ARHGAP39: variants seen among roughly 807,000 people sequenced by gnomAD.
ARHGAP39 encodes the protein Rho GTPase activating protein 39, also known as rho GTPase-activating protein 39.
Under a neutral mutation model 106.9 loss-of-function variants are expected in ARHGAP39, and 44 were observed. The ratio of observed to expected loss-of-function variants is 0.41; its 90% CI spans 0.32 to 0.53. The LOEUF (loss-of-function observed/expected upper bound fraction) is 0.53, where lower values mean the gene tolerates loss of function less well. ARHGAP39 is among the 20% of genes least tolerant of loss of function. The pLI is 0.21. For missense variants in ARHGAP39, 1,496 were observed against 1,577.3 expected (o/e 0.95, Z 0.87); for synonymous variants, 768 against 693.2 (o/e 1.11, Z -1.69).
At chr8:144,660,227 T>TATTC in intron 1 of ARHGAP39, among the ~76,000 whole-genome samples, 1 of 152,296 alleles carries the variant, frequency 6.6e-6, no homozygotes, top group African/African-American at 2.4e-5. Flanking sequence ...CTGCAGCACC[T>TATTC]ATTCCCACAA....
rs1254676133 is a variant in ARHGAP39 at position 144,671,609 on chromosome 8, C to G, written c.-82+14077G>C. Among the ~76,000 whole-genome samples, 1 of 152,234 alleles carries G rather than the reference C, an allele frequency of 6.6e-6. No homozygotes were observed. The highest frequency in any genetic ancestry group is 2.4e-5 in the African/African-American group (1 of 41,464). On this transcript the variant is annotated intron_variant, in intron 1 of 11. Coordinates refer to ENST00000377307, the MANE Select transcript of ARHGAP39 (RefSeq NM_025251.3). This position sits in a 1 kb window ranked among gnomAD's most constrained non-coding sequence, Gnocchi z 4.5. ...CCTCCCGCCTGAGGCTCTTTCTGTG[C>G]CTGGTGAATAGCCCAAGGCTCAGCT... is the stretch of plus-strand genomic sequence containing the variant.
intron 3 of ARHGAP39, among the ~76,000 whole-genome samples, chr8:144,570,905 A>G (rs1156302735): frequency 6.6e-6 from 1 of 152,244 alleles, no homozygotes; most frequent in Non-Finnish European, 1.5e-5. Context: ...ATTCCTGGAC[A>G]CATACACCCT....
chr8:144,685,616 G>C (rs1268938342), intron 1 of ARHGAP39, among the ~76,000 whole-genome samples, 70 bp downstream of exon 1: 3 of 148,844 alleles, frequency 2.0e-5, no homozygotes, highest in Non-Finnish European at 4.5e-5. Flanking sequence ...GGACCACGGG[G>C]ACCGCAGCGC....
In ARHGAP39 at chr8:144,671,832, G is replaced by T. The variant is rs1822108876; in HGVS notation, c.-82+13854C>A. ...CTGGTCTGTCTCCTCCCTGTCGGGG[G>T]TATCTGACTGGCAAGTGGCTGGCAC... On this transcript the variant is annotated intron_variant, in intron 1 of 11. Transcript: ENST00000377307. This position sits in a 1 kb window ranked among gnomAD's most constrained non-coding sequence, Gnocchi z 4.5. Among the ~76,000 whole-genome samples the T allele has an allele frequency of 6.6e-6, 1 of 152,232 alleles. No homozygotes were observed. Among genetic ancestry groups the T allele is most frequent in the South Asian group, 2.1e-4 (1 of 4,830 alleles).
chr8:144,606,581 CTGTT>C (rs1301629272), intron 1 of ARHGAP39, among the ~76,000 whole-genome samples: 3 of 152,146 alleles, frequency 2.0e-5, no homozygotes, highest in African/African-American at 4.8e-5. Flanking sequence ...CAACAGCAGG[CTGTT>C]TGTAGTTAAG....
intron 1 of ARHGAP39, among the ~76,000 whole-genome samples, chr8:144,623,375 G>A (rs776712002): frequency 6.6e-6 from 1 of 152,186 alleles, no homozygotes; most frequent in Non-Finnish European, 1.5e-5. Context: ...GTCTAGTTAA[G>A]ACAAAGACTG....
intron 1 of ARHGAP39, among the ~76,000 whole-genome samples, chr8:144,630,301 A>T (rs553435265): frequency 6.6e-6 from 1 of 152,212 alleles, no homozygotes; most frequent in South Asian, 2.1e-4. Flanking sequence ...TTTTGAAACC[A>T]TGCCTGTCTG....
Position 144,644,414 on chromosome 8 carries a change from C to T in ARHGAP39, c.-81-38719G>A, listed in dbSNP as rs975495497. Among the ~76,000 whole-genome samples the T allele has an allele frequency of 6.6e-6, 1 of 152,130 alleles. No homozygotes were observed. The highest frequency in any genetic ancestry group is 1.5e-5 in the Non-Finnish European group (1 of 68,028). On this transcript the variant is annotated intron_variant, in intron 1 of 11. Transcript: ENST00000377307. This position sits in a 1 kb window ranked among gnomAD's most constrained non-coding sequence, Gnocchi z 4.8. ...GAGGCGGCTATGAGGCGGGGCTGGG[C>T]ACAAAGCAGCAGCATCTTCTAGGTG...
chr8:144,545,549 T>C lies in ARHGAP39; in HGVS notation c.2221A>G (p.Lys741Glu), dbSNP rs1817377463. The C allele has an allele frequency of 1.2e-6, 2 of 1,613,670 alleles. No homozygotes were observed. Among genetic ancestry groups the C allele is most frequent in the Non-Finnish European group, 1.7e-6 (2 of 1,179,974 alleles). ...AGCTTGAAGAGCTCGCAGGCCTCCT[T>C]CTTCACGTGCCGGTCGCTTGTCACG... ...MIVTSDRHVK[K>E]EACELFKLIQ... Residue 741 changes from lysine to glutamate, a missense_variant, in exon 6 of 12, where the codon AAG becomes GAG. Lys to Glu is a moderately conservative substitution (Grantham distance 56, BLOSUM62 1). Around this residue, in one of 4 missense-constraint regions of ARHGAP39, gnomAD observed 470 missense variants for 605.1 expected, o/e 0.78. Transcript: ENST00000377307.
rs867665992 is a variant in ARHGAP39 at position 144,533,204 on chromosome 8, C to T, written c.2810G>A (p.Arg937His). ...CCGTGTCTGCACCCAGGGCAGCTGG[C>T]GCTCGGGGTAGCGCTCTCTCTGCAT... is the stretch of plus-strand genomic sequence containing the variant. ...MGMQRERYPERQLPWVQTRLS... is the reference protein window; with the variant it reads ...MGMQRERYPEHQLPWVQTRLS... The change falls in exon 9 of 12, where the codon CGC (arginine) becomes CAC (histidine). Residue 937 changes from arginine to histidine, a missense_variant. Arg to His is a conservative substitution (Grantham distance 29). This residue lies in a region of ARHGAP39 where 470 missense variants were observed against 605.1 expected (regional missense o/e 0.78). Transcript: ENST00000377307. The T allele has an allele frequency of 1.5e-5, 24 of 1,612,618 alleles. No homozygotes were observed. The highest frequency in any genetic ancestry group is 3.3e-4 in the Middle Eastern group (2 of 6,056).
intron 4 of ARHGAP39, among the ~76,000 whole-genome samples, chr8:144,552,800 T>C (rs1164642932): frequency 1.4e-5 from 2 of 145,396 alleles, no homozygotes; most frequent in African/African-American, 2.5e-5. Flanking sequence ...TTATAATTTC[T>C]TTTTTTTTTT....
At chr8:144,561,397 G>GTCCATCACACTCCAGTGGTT (rs1352947339) in intron 3 of ARHGAP39, among the ~76,000 whole-genome samples, 6 of 129,036 alleles carry the variant, frequency 4.6e-5, no homozygotes, top group Non-Finnish European at 8.2e-5. Flanking sequence ...CCCCAGTGGT[G>GTCCATCACACTCCAGTGGTT]TCCATCACAC....
At chr8:144,552,010 T>A (rs765120087) in intron 4 of ARHGAP39, among the ~76,000 whole-genome samples, 4 of 152,198 alleles carry the variant, frequency 2.6e-5, no homozygotes, top group Non-Finnish European at 4.4e-5. Context: ...CACACCTCTC[T>A]GTAGGGCAGG....
chr8:144,546,076 G>A (rs1817407766), intron 5 of ARHGAP39, among the ~76,000 whole-genome samples: 2 of 152,218 alleles, frequency 1.3e-5, no homozygotes, highest in Admixed American at 6.5e-5. Context: ...TGACCTGGCT[G>A]AGGGTGAGGC....
intron 1 of ARHGAP39, among the ~76,000 whole-genome samples, chr8:144,682,548 C>CAA (rs1041779842): frequency 1.7e-4 from 12 of 70,072 alleles, no homozygotes; most frequent in Non-Finnish European, 2.4e-4. Context: ...GACTCTGTCT[C>CAA]AAAAAAAAAA....
At chr8:144,619,693 A>T (rs995770176) in intron 1 of ARHGAP39, among the ~76,000 whole-genome samples, 1 of 141,322 alleles carries the variant, frequency 7.1e-6, no homozygotes, top group African/African-American at 2.7e-5. Context: ...TGTGTGCATG[A>T]GAGCTTGTGT....
At chr8:144,630,412 G>A (rs1033843920) in intron 1 of ARHGAP39, among the ~76,000 whole-genome samples, 1 of 151,982 alleles carries the variant, frequency 6.6e-6, no homozygotes, top group Admixed American at 6.6e-5. Flanking sequence ...CCAGCCCTAC[G>A]GTGGCTAAGA....
intron 6 of ARHGAP39, among the ~76,000 whole-genome samples, chr8:144,542,076 C>T (rs908264878): frequency 6.6e-6 from 1 of 152,030 alleles, no homozygotes; most frequent in Non-Finnish European, 1.5e-5. Context: ...GAGCTGGAAG[C>T]CGGGAGACCT....
At chr8:144,635,338 AC>A (rs1477782791) in intron 1 of ARHGAP39, among the ~76,000 whole-genome samples, 1 of 152,006 alleles carries the variant, frequency 6.6e-6, no homozygotes, top group African/African-American at 2.4e-5. Flanking sequence ...CTTCCATAAA[AC>A]CCCAAAAGGA....
Sources: allele counts gnomAD v4.1 joint callset (sites outside exome capture counted in the v4.1 genomes callset), GRCh38; gene constraint gnomAD v4.1.1; regional missense constraint gnomAD v4.1.1; non-coding constraint Gnocchi (gnomAD v3.1); transcripts MANE v1.5; gene names NCBI Gene and HGNC (gene_info 2026-07-23, HGNC 2026-07-21).